COL25A1: variants seen among roughly 807,000 people sequenced by gnomAD.
COL25A1 encodes the protein collagen alpha-1(XXV) chain.
In COL25A1, 103 loss-of-function variants were observed where a neutral mutation model predicts 128.4. That is an observed-to-expected ratio of 0.80 (90% CI 0.68 to 0.94). The LOEUF (loss-of-function observed/expected upper bound fraction) is 0.94, where lower values mean the gene tolerates loss of function less well. COL25A1 is among the 40% of genes least tolerant of loss of function. The pLI is 0.00. For missense variants in COL25A1, 745 were observed against 840.0 expected, an observed-to-expected ratio of 0.89 and a Z score of 1.40; for synonymous variants, 279 against 277.2, an observed-to-expected ratio of 1.01 and a Z score of -0.06.
At chr4:109,228,047 T>C (rs1778920661) in intron 3 of COL25A1, among the ~76,000 whole-genome samples, 1 of 152,168 alleles carries the variant, frequency 6.6e-6, no homozygotes, top group Admixed American at 6.5e-5. Flanking sequence ...GGAGTTCTGA[T>C]GTCCCCAGCG....
chr4:108,897,443 A>G (rs1042317934), intron 15 of COL25A1, among the ~76,000 whole-genome samples: 1 of 152,198 alleles, frequency 6.6e-6, no homozygotes, highest in Admixed American at 6.5e-5. Context: ...ATTCTTCAAT[A>G]TAAGTCTTAC....
In COL25A1 at chr4:108,922,209, A is replaced by G. The variant is rs535131847; in HGVS notation, c.709-1605T>C. Among the ~76,000 whole-genome samples, 15 of 152,272 alleles carry G rather than the reference A, an allele frequency of 9.9e-5. No individual in the cohort carries two copies. The South Asian group carries it at 1.9e-3, about 19-fold the overall frequency. On this transcript the variant is annotated intron_variant, in intron 11 of 37. Coordinates refer to ENST00000399132, the MANE Select transcript of COL25A1 (RefSeq NM_198721.4). ...CTTGGGTAAATTGTTTGGAAAGTAA[A>G]TGTTCGTGCTAAGTAAGGGCAGAAT...
At chr4:108,953,084 C>A (rs1251652641) in intron 8 of COL25A1, among the ~76,000 whole-genome samples, 2 of 152,000 alleles carry the variant, frequency 1.3e-5, no homozygotes, top group Non-Finnish European at 1.5e-5. Context: ...TCCTTGTATA[C>A]CTCTGAAGTT....
At chr4:108,826,933 T>C (rs146465682) in intron 33 of COL25A1, among the ~76,000 whole-genome samples, 13 of 152,330 alleles carry the variant, frequency 8.5e-5, no homozygotes, top group African/African-American at 2.9e-4. Context: ...TGCCTGGATA[T>C]GTGTCTGTAC....
chr4:109,034,831 T>C (rs1231157428), intron 5 of COL25A1, among the ~76,000 whole-genome samples: 1 of 152,210 alleles, frequency 6.6e-6, no homozygotes, highest in Non-Finnish European at 1.5e-5. Context: ...TAAAATCTTA[T>C]AAATGCCAAA....
chr4:109,108,871 C>CACTTGGAA (rs1437347527), intron 3 of COL25A1, among the ~76,000 whole-genome samples: 1 of 152,008 alleles, frequency 6.6e-6, no homozygotes, highest in African/African-American at 2.4e-5. Context: ...TTTTTGCATG[C>CACTTGGAA]ACTTGGAAAC....
At chr4:108,923,147 C>G (rs1344623972) in intron 11 of COL25A1, among the ~76,000 whole-genome samples, 1 of 152,104 alleles carries the variant, frequency 6.6e-6, no homozygotes, top group Non-Finnish European at 1.5e-5. Context: ...CATTATGTAT[C>G]TATAACACTG....
intron 3 of COL25A1, among the ~76,000 whole-genome samples, chr4:109,154,553 G>C (rs1473202548): frequency 6.6e-6 from 1 of 152,162 alleles, no homozygotes; most frequent in Non-Finnish European, 1.5e-5. Context: ...CAGGTCTGTG[G>C]GGCACATACA....
chr4:109,173,632 G>C (rs1773799350), intron 3 of COL25A1, among the ~76,000 whole-genome samples: 1 of 152,024 alleles, frequency 6.6e-6, no homozygotes, highest in African/African-American at 2.4e-5. Flanking sequence ...AATAATACTA[G>C]TGTAAAAGAA....
intron 11 of COL25A1, among the ~76,000 whole-genome samples, chr4:108,928,142 T>G (rs1046194056): frequency 6.6e-6 from 1 of 152,150 alleles, no homozygotes; most frequent in Non-Finnish European, 1.5e-5. Context: ...AGGAAACAAA[T>G]TTATGGTTCA....
intron 3 of COL25A1, among the ~76,000 whole-genome samples, chr4:109,149,484 T>TGTA (rs1216492252): frequency 6.6e-6 from 1 of 152,178 alleles, no homozygotes; most frequent in Non-Finnish European, 1.5e-5. Context: ...AACAGTGCTG[T>TGTA]GTACTGAGGT....
intron 3 of COL25A1, among the ~76,000 whole-genome samples, chr4:109,150,521 G>A (rs1381516551): frequency 6.6e-6 from 1 of 152,136 alleles, no homozygotes; most frequent in East Asian, 1.9e-4. Context: ...CCGAGATGTG[G>A]TGAAAAGTTT....
rs528041727 is a variant in COL25A1 at position 109,252,341 on chromosome 4, T to C, written c.367+48242A>G. ...CAGATTGGGCACTCAGCAGTGGCTG[T>C]AGCCAGATCATCCTTTATGAGTGGA... On this transcript the variant is annotated intron_variant, in intron 3 of 37. Coordinates refer to ENST00000399132, the MANE Select transcript of COL25A1 (RefSeq NM_198721.4). Among the ~76,000 whole-genome samples, 5 of 152,314 alleles carry C rather than the reference T, an allele frequency of 3.3e-5. No homozygotes were observed. In the South Asian group the frequency reaches 8.3e-4, roughly 25 times the overall value.
chr4:109,237,229 A>G (rs1215830480), intron 3 of COL25A1, among the ~76,000 whole-genome samples: 1 of 152,012 alleles, frequency 6.6e-6, no homozygotes, highest in Admixed American at 6.6e-5. Context: ...ACAAAAAAAC[A>G]TTTCTAATGT....
Position 109,040,202 on chromosome 4 carries a change from G to A in COL25A1, c.420+7966C>T, listed in dbSNP as rs57425938. ...AAACTTATTTAATGACTGAAGAAGG[G>A]GATTCTTTCCACATTATAGTCCATG... On this transcript the variant is annotated intron_variant, in intron 5 of 37. Transcript: ENST00000399132. Among the ~76,000 whole-genome samples, 734 of 152,098 alleles carry A rather than the reference G, an allele frequency of 4.8e-3. 31 individuals are homozygous for A. In the East Asian group the frequency reaches 0.1, roughly 21 times the overall value.
chr4:109,288,535 A>G (rs1724114695), intron 3 of COL25A1, among the ~76,000 whole-genome samples: 1 of 152,120 alleles, frequency 6.6e-6, no homozygotes, highest in South Asian at 2.1e-4. Context: ...ACTATTATTA[A>G]TAGGGTGGTT....
intron 3 of COL25A1, among the ~76,000 whole-genome samples, chr4:109,229,988 T>C (rs1440285972): frequency 6.6e-6 from 1 of 152,144 alleles, no homozygotes; most frequent in Non-Finnish European, 1.5e-5. Flanking sequence ...AAGCAGGAAC[T>C]TCACATGGCA....
In COL25A1 at chr4:109,302,250, C is replaced by T. The variant is rs553101805; in HGVS notation, c.-138G>A. 3.7e-6 allele frequency: 2 copies of T among 541,578 alleles called. No individual in the cohort carries two copies. The highest frequency in any genetic ancestry group is 6.9e-5 in the South Asian group (2 of 28,842). The allele number at this position is 541,578 out of a possible 1,614,324, so 33.5% of individuals were successfully genotyped here. On this transcript the variant is annotated 5_prime_UTR_variant, in exon 1 of 38. It adds an upstream start codon to the 5' untranslated region. Coordinates refer to ENST00000399132, the MANE Select transcript of COL25A1 (RefSeq NM_198721.4). ...TCCTCCCAGCTGGAAGTGAAAAGCA[C>T]CCTCCGTCCGGGGACTGGGTGGCGG...
At chr4:109,161,981 C>T (rs1260729648) in intron 3 of COL25A1, among the ~76,000 whole-genome samples, 2 of 152,156 alleles carry the variant, frequency 1.3e-5, no homozygotes, top group Non-Finnish European at 1.5e-5. Flanking sequence ...CCTGTGTGGT[C>T]TCTGCCAGCC....
Sources: allele counts gnomAD v4.1 joint callset (sites outside exome capture counted in the v4.1 genomes callset), GRCh38; gene constraint gnomAD v4.1.1; transcripts MANE v1.5; gene names NCBI Gene and HGNC (gene_info 2026-07-23, HGNC 2026-07-21).